MTUS1: variants seen among roughly 807,000 people sequenced by gnomAD.
MTUS1 encodes microtubule-associated tumor suppressor 1.
Under a neutral mutation model 120.8 loss-of-function variants are expected in MTUS1, and 109 were observed. The ratio of observed to expected loss-of-function variants is 0.90; its 90% CI spans 0.77 to 1.06. MTUS1 has a LOEUF of 1.06. MTUS1 is among the 50% of genes least tolerant of loss of function. The pLI is 0.00. For missense variants in MTUS1, 2,210 were observed against 1,486.3 expected, an observed-to-expected ratio of 1.49 and a Z score of -8.01; for synonymous variants, 737 against 550.5, an observed-to-expected ratio of 1.34 and a Z score of -4.74.
At chr8:17,794,018 TGGCTGA>T (rs1389103130) in intron 1 of MTUS1, among the ~76,000 whole-genome samples, 1 of 152,052 alleles carries the variant, frequency 6.6e-6, no homozygotes, top group Non-Finnish European at 1.5e-5. Flanking sequence ...TGCTCAAAAA[TGGCTGA>T]GGCTGAGGAA....
intron 6 of MTUS1, chr8:17,705,875 C>T (rs1820058124): frequency 6.6e-6 from 1 of 152,206 alleles, no homozygotes; most frequent in Admixed American, 6.5e-5. Context: ...AAATACAGCT[C>T]TGATGCCTCT....
chr8:17,719,918 G>T (rs1174906981), intron 4 of MTUS1, among the ~76,000 whole-genome samples: 1 of 152,206 alleles, frequency 6.6e-6, no homozygotes, highest in Non-Finnish European at 1.5e-5. Context: ...GCAGTGAAAA[G>T]GGTCAGAAAT....
chr8:17,647,542 T>C (rs185652353), intron 13 of MTUS1, among the ~76,000 whole-genome samples: 161 of 152,346 alleles, frequency 1.1e-3, no homozygotes, highest in African/African-American at 3.7e-3. Context: ...ACTATGGACT[T>C]GAACTCAGTT....
intron 6 of MTUS1, among the ~76,000 whole-genome samples, chr8:17,712,647 G>C (rs906116845): frequency 6.6e-6 from 1 of 151,920 alleles, no homozygotes; most frequent in Non-Finnish European, 1.5e-5. Context: ...CCTATCTGTC[G>C]GTCTGTCTGT....
intron 6 of MTUS1, among the ~76,000 whole-genome samples, chr8:17,708,375 T>G (rs532398071): frequency 1.3e-5 from 2 of 152,160 alleles, no homozygotes. Context: ...GCTGTCAGAA[T>G]GCAAATTGAA....
chr8:17,713,838 G>C (rs556998757), intron 5 of MTUS1, among the ~76,000 whole-genome samples: 4 of 152,282 alleles, frequency 2.6e-5, no homozygotes, highest in South Asian at 4.1e-4. Flanking sequence ...AGTTAGAACA[G>C]CTACCATGTT....
chr8:17,733,121 TGGGTGGATCA>T (rs2046700557), intron 3 of MTUS1, among the ~76,000 whole-genome samples: 1 of 152,010 alleles, frequency 6.6e-6, no homozygotes, highest in Non-Finnish European at 1.5e-5. Flanking sequence ...AAGGCCGAGG[TGGGTGGATCA>T]CCTGAGGTCA....
chr8:17,648,337 TG>T (rs1447888054), intron 13 of MTUS1, among the ~76,000 whole-genome samples: 1 of 152,216 alleles, frequency 6.6e-6, no homozygotes, highest in African/African-American at 2.4e-5. Context: ...AGGATACCTC[TG>T]GGGCATGGCA....
chr8:17,700,082 A>G (rs1416623313), intron 6 of MTUS1, among the ~76,000 whole-genome samples: 1 of 152,230 alleles, frequency 6.6e-6, no homozygotes, highest in Non-Finnish European at 1.5e-5. Flanking sequence ...AGAGGAAAAG[A>G]TAGGCATCAC....
intron 6 of MTUS1, among the ~76,000 whole-genome samples, chr8:17,698,592 T>C (rs1818427558): frequency 6.6e-6 from 1 of 152,156 alleles, no homozygotes; most frequent in Non-Finnish European, 1.5e-5. Flanking sequence ...TGCAGAATTG[T>C]TACCATAAAT....
intron 1 of MTUS1, among the ~76,000 whole-genome samples, chr8:17,795,768 T>C (rs1203755391): frequency 6.6e-6 from 1 of 151,338 alleles, no homozygotes; most frequent in Non-Finnish European, 1.5e-5. Context: ...GCCTCCCACG[T>C]AGCGGGGATA....
Position 17,645,998 on chromosome 8 carries a change from T to C in MTUS1, c.3741A>G (p.Thr1247=), listed in dbSNP as rs1805697671. 1 of 1,613,516 alleles carries C rather than the reference T, an allele frequency of 6.2e-7. No individual in the cohort carries two copies. The highest frequency in any genetic ancestry group is 8.5e-7 in the Non-Finnish European group (1 of 1,179,910). The change falls in exon 15 of 15, where the codon ACA becomes ACG. Residue 1247 remains threonine (T), a synonymous_variant. Coordinates refer to ENST00000693296, the MANE Select transcript of MTUS1 (RefSeq NM_001363059.2). ...GTGACTGCAAAGGGATGGCGGAGGA[T>C]GTGGGGGATCTCTTGGGGCTACACA... ...GDLCSPKRSP[T]SSAIPLQSPR...
chr8:17,755,643 C>G lies in MTUS1; in HGVS notation c.165G>C (p.Val55=). ...NWNSANPDDM[V]VDYETDPAVV... ...CAGCAGGGTCAGTTTCATAATCAAC[C>G]ACCATGTCATCTGGGTTGGCAGAAT... The change falls in exon 2 of 15, where the codon GTG becomes GTC. Residue 55 remains valine, a synonymous_variant. Coordinates refer to ENST00000693296, the MANE Select transcript of MTUS1 (RefSeq NM_001363059.2). 6.2e-7 allele frequency: 1 copy of G among 1,614,182 alleles called. No individual in the cohort carries two copies. The highest frequency in any genetic ancestry group is 8.5e-7 in the Non-Finnish European group (1 of 1,180,022).
chr8:17,759,487 T>C (rs2048874933), intron 1 of MTUS1, among the ~76,000 whole-genome samples: 1 of 151,042 alleles, frequency 6.6e-6, no homozygotes. Flanking sequence ...TTATAAATAA[T>C]ACTAAACTGA....
chr8:17,651,071 C>CTCAGGAAAGA (rs1489945534), intron 12 of MTUS1, among the ~76,000 whole-genome samples: 7 of 152,166 alleles, frequency 4.6e-5, no homozygotes, highest in Non-Finnish European at 8.8e-5. Context: ...AAGCGCCCTA[C>CTCAGGAAAGA]TCAGGAAAGA....
intron 6 of MTUS1, among the ~76,000 whole-genome samples, chr8:17,702,236 C>T (rs934117352): frequency 6.6e-6 from 1 of 152,180 alleles, no homozygotes; most frequent in Non-Finnish European, 1.5e-5. Context: ...TTATTCTTCG[C>T]CAGTACCAGG....
At chr8:17,675,477 G>A (rs944576341) in intron 7 of MTUS1, among the ~76,000 whole-genome samples, 3 of 152,290 alleles carry the variant, frequency 2.0e-5, no homozygotes, top group African/African-American at 7.2e-5. Flanking sequence ...TGAAACTTTG[G>A]TTTGACGCAG....
intron 1 of MTUS1, among the ~76,000 whole-genome samples, chr8:17,776,660 CTGAG>C (rs1186524148): frequency 1.9e-5 from 2 of 106,184 alleles, no homozygotes; most frequent in African/African-American, 7.5e-5. Flanking sequence ...GCCTGGGTGA[CTGAG>C]TGAGACTCTG....
chr8:17,780,866 AAC>A (rs1249527515), intron 1 of MTUS1: 1 of 152,200 alleles, frequency 6.6e-6, no homozygotes, highest in Non-Finnish European at 1.5e-5. Context: ...AATAATTAGC[AAC>A]AGACTAACCT....
Sources: gnomAD v4.1 joint callset for allele counts (sites outside exome capture counted in the v4.1 genomes callset) on GRCh38, gnomAD v4.1.1 for gene constraint, MANE v1.5 for transcripts, NCBI Gene and HGNC (gene_info 2026-07-23, HGNC 2026-07-21) for gene names.